SMOC2: variants seen among roughly 807,000 people sequenced by gnomAD.
SMOC2 encodes SPARC-related modular calcium-binding protein 2.
SMOC2 carries 39 observed loss-of-function variants against 61.4 expected under a neutral mutation model. The ratio of observed to expected loss-of-function variants is 0.64; its 90% CI spans 0.49 to 0.83. The LOEUF (loss-of-function observed/expected upper bound fraction) is 0.83. Among genes scored for constraint, SMOC2 ranks in the 40% least tolerant of loss-of-function variants. The pLI is 0.00. For missense variants in SMOC2, 556 were observed against 592.9 expected, an observed-to-expected ratio of 0.94 and a Z score of 0.65; for synonymous variants, 247 against 239.9, an observed-to-expected ratio of 1.03 and a Z score of -0.27.
intron 9 of SMOC2, among the ~76,000 whole-genome samples, chr6:168,634,362 C>T (rs74991991): frequency 0.031 from 4,671 of 152,166 alleles, 264 homozygotes; most frequent in African/African-American, 0.11. Context: ...TTATTGCATG[C>T]GATAATTGTG....
chr6:168,597,628 T>C (rs1273425047), intron 7 of SMOC2, among the ~76,000 whole-genome samples: 1 of 152,234 alleles, frequency 6.6e-6, no homozygotes, highest in Admixed American at 6.5e-5. Flanking sequence ...CTCTATAAAC[T>C]ATACACTGTA....
intron 7 of SMOC2, among the ~76,000 whole-genome samples, chr6:168,569,757 T>C (rs1324722226): frequency 6.6e-6 from 1 of 152,212 alleles, no homozygotes; most frequent in African/African-American, 2.4e-5. Context: ...ACCTAAGTAA[T>C]TTTTCAGATG....
chr6:168,581,417 C>T (rs143513455), intron 7 of SMOC2, among the ~76,000 whole-genome samples: 82 of 152,346 alleles, frequency 5.4e-4, no homozygotes, highest in Non-Finnish European at 1.5e-4. Context: ...GAAGGAGCTT[C>T]GCCCAGACCT....
At chr6:168,458,912 T>C (rs1781653986) in intron 1 of SMOC2, among the ~76,000 whole-genome samples, 1 of 152,232 alleles carries the variant, frequency 6.6e-6, no homozygotes, top group Admixed American at 6.5e-5. Context: ...AACTGTGTGT[T>C]GGAAAATAGT....
At chr6:168,587,354 G>C (rs1785067796) in intron 7 of SMOC2, among the ~76,000 whole-genome samples, 1 of 152,188 alleles carries the variant, frequency 6.6e-6, no homozygotes, top group Non-Finnish European at 1.5e-5. Flanking sequence ...TTTTGCCAAG[G>C]GTATGGATGT....
chr6:168,636,626 A>C (rs1204098123), intron 9 of SMOC2, among the ~76,000 whole-genome samples: 1 of 152,240 alleles, frequency 6.6e-6, no homozygotes, highest in African/African-American at 2.4e-5. Flanking sequence ...TGTTGGAAGG[A>C]CAGAAAGTGA....
At chr6:168,474,602 T>G (rs1782037246) in intron 1 of SMOC2, among the ~76,000 whole-genome samples, 1 of 152,098 alleles carries the variant, frequency 6.6e-6, no homozygotes, top group African/African-American at 2.4e-5. Context: ...AACGTGTCTG[T>G]CCACTGAAAC....
At chr6:168,627,818 G>C (rs1486886575) in intron 9 of SMOC2, among the ~76,000 whole-genome samples, 1 of 152,160 alleles carries the variant, frequency 6.6e-6, no homozygotes, top group Non-Finnish European at 1.5e-5. Context: ...GCCTCCACTG[G>C]AAACTGAAAA....
intron 1 of SMOC2, among the ~76,000 whole-genome samples, chr6:168,488,213 TGC>T (rs970636877): frequency 3.9e-5 from 6 of 152,234 alleles, no homozygotes; most frequent in Non-Finnish European, 5.9e-5. Flanking sequence ...TGGCCCCTGG[TGC>T]CTCCGGCACT....
At chr6:168,527,825 A>C in intron 4 of SMOC2, 98 bp downstream of exon 4, 1 of 885,780 alleles carries the variant, frequency 1.1e-6, no homozygotes, top group Admixed American at 2.0e-5. Flanking sequence ...ATTCAAAGGG[A>C]AATCCAGTTT....
chr6:168,484,711 A>T lies in SMOC2; in HGVS notation c.85-25204A>T, dbSNP rs149587475. On this transcript the variant is annotated intron_variant, in intron 1 of 12. Coordinates refer to ENST00000356284, the MANE Select transcript of SMOC2 (RefSeq NM_001166412.2). ...TAACCCAAGAGGCCACCAGCAGATG[A>T]ATAGATAAATGAAATGTGGTGTATA... Among the ~76,000 whole-genome samples, 566 of 152,384 alleles carry T rather than the reference A, an allele frequency of 3.7e-3. 3 individuals carry two copies. The highest frequency in any genetic ancestry group is 0.013 in the African/African-American group (547 of 41,594).
intron 7 of SMOC2, among the ~76,000 whole-genome samples, chr6:168,556,286 G>C (rs1433371066): frequency 6.6e-6 from 1 of 152,190 alleles, no homozygotes; most frequent in Non-Finnish European, 1.5e-5. Flanking sequence ...AGGGGAAGCT[G>C]CGGGCTCCTT....
chr6:168,513,730 T>C (rs1783064516), intron 2 of SMOC2, among the ~76,000 whole-genome samples: 1 of 152,230 alleles, frequency 6.6e-6, no homozygotes, highest in Non-Finnish European at 1.5e-5. Context: ...GAGTCCATGC[T>C]GTTCTCCATC....
intron 1 of SMOC2, among the ~76,000 whole-genome samples, chr6:168,487,830 A>G (rs184617309): frequency 1.2e-4 from 18 of 152,320 alleles, no homozygotes; most frequent in Admixed American, 1.0e-3. Context: ...TAAAAAACAT[A>G]CATGGCACAC....
At chr6:168,661,736 A>G (rs1331750911) in intron 11 of SMOC2, among the ~76,000 whole-genome samples, 1 of 152,256 alleles carries the variant, frequency 6.6e-6, no homozygotes, top group Non-Finnish European at 1.5e-5. Flanking sequence ...ATACAAAAAA[A>G]ACTGGCAATT....
chr6:168,513,701 G>C (rs1419899025), intron 2 of SMOC2, among the ~76,000 whole-genome samples: 1 of 152,162 alleles, frequency 6.6e-6, no homozygotes. Context: ...ATTCCTTGAA[G>C]AGCGCTGAGG....
chr6:168,619,247 G>A (rs1168841242), intron 9 of SMOC2, among the ~76,000 whole-genome samples: 1 of 152,218 alleles, frequency 6.6e-6, no homozygotes, highest in Admixed American at 6.5e-5. Flanking sequence ...CAACAGGACA[G>A]TCAGCTCTGG....
chr6:168,526,546 C>T lies in SMOC2; in HGVS notation c.363+94C>T, dbSNP rs1405579969. 24 of 943,706 alleles carry T rather than the reference C, an allele frequency of 2.5e-5. 1 individual carries two copies. The South Asian group carries it at 2.9e-4, about 11-fold the overall frequency. 58.5% of individuals were successfully genotyped at this position (943,706 alleles called of 1,614,324 possible). On this transcript the variant is annotated intron_variant, in intron 3 of 12. Coordinates refer to ENST00000356284, the MANE Select transcript of SMOC2 (RefSeq NM_001166412.2). ...GAGAAGGCAGGTGGGGGGAGCCGAA[C>T]AGAAGAAGCAGCGGGTTTGTTCTCT...
Position 168,471,025 on chromosome 6 carries a change from G to A in SMOC2, c.84+29571G>A, listed in dbSNP as rs186334058. Among the ~76,000 whole-genome samples the A allele has an allele frequency of 4.9e-3, 744 of 152,260 alleles. 3 individuals carry two copies. Among genetic ancestry groups the A allele is most frequent in the Non-Finnish European group, 6.8e-3 (462 of 68,026 alleles). On this transcript the variant is annotated intron_variant, in intron 1 of 12. Coordinates refer to ENST00000356284, the MANE Select transcript of SMOC2 (RefSeq NM_001166412.2). ...AATTTTATTACATCTGCTAAATTTTGTAATATTGTTGTAATTCATGAAACA... is the reference window on the plus strand; with the variant it reads ...AATTTTATTACATCTGCTAAATTTTATAATATTGTTGTAATTCATGAAACA...
Sources: allele counts gnomAD v4.1 joint callset (sites outside exome capture counted in the v4.1 genomes callset), GRCh38; gene constraint gnomAD v4.1.1; transcripts MANE v1.5; gene names NCBI Gene and HGNC (gene_info 2026-07-23, HGNC 2026-07-21).